The following PTPRQ variants were observed in gnomAD, a reference collection of about 807,000 sequenced individuals.
The protein encoded by PTPRQ is protein tyrosine phosphatase receptor type Q.
A neutral mutation model predicts 246.0 loss-of-function variants in PTPRQ; 199 were observed. The ratio of observed to expected loss-of-function variants is 0.81; its 90% CI spans 0.72 to 0.91. PTPRQ has a LOEUF of 0.91. Among genes scored for constraint, PTPRQ ranks in the 40% least tolerant of loss-of-function variants. The pLI is 0.00. For synonymous variants in PTPRQ, 869 were observed against 853.2 expected (o/e 1.02, Z -0.32); for missense variants, 2,624 against 2,528.4 (o/e 1.04, Z -0.81).
intron 25 of PTPRQ, among the ~76,000 whole-genome samples, chr12:80,582,437 A>T (rs1201302831): frequency 6.6e-6 from 1 of 152,258 alleles, no homozygotes; most frequent in Middle Eastern, 3.4e-3. Context: ...GTGTGATGCT[A>T]TTAGAAGGTG....
intron 25 of PTPRQ, among the ~76,000 whole-genome samples, chr12:80,563,428 G>A (rs941830081): frequency 1.4e-4 from 22 of 151,964 alleles, no homozygotes; most frequent in African/African-American, 4.6e-4. Flanking sequence ...CCACTCGTGA[G>A]GGCAGAGCCC....
chr12:80,469,454 C>A (rs942737589), intron 7 of PTPRQ, among the ~76,000 whole-genome samples: 16 of 152,132 alleles, frequency 1.1e-4, no homozygotes, highest in Non-Finnish European at 1.5e-4. Flanking sequence ...AGTATTATAT[C>A]ATTAGAAGTG....
chr12:80,534,815 GT>G (rs1895940121), intron 18 of PTPRQ, 76 bp from the exon 19 acceptor site: 3 of 1,447,204 alleles, frequency 2.1e-6, no homozygotes, highest in Non-Finnish European at 1.8e-6. Flanking sequence ...TTTATAAACT[GT>G]AGGTAAAATT....
chr12:80,635,542 T>C (rs1220580610), intron 35 of PTPRQ, among the ~76,000 whole-genome samples: 1 of 152,096 alleles, frequency 6.6e-6, no homozygotes, highest in Non-Finnish European at 1.5e-5. Context: ...TTGTATATGA[T>C]ATCATTTTTA....
At chr12:80,577,610 G>T (rs1244700792) in intron 25 of PTPRQ, among the ~76,000 whole-genome samples, 2 of 152,036 alleles carry the variant, frequency 1.3e-5, no homozygotes, top group Admixed American at 6.6e-5. Flanking sequence ...CCTAAAAAAT[G>T]ACTTTTTCTT....
At chr12:80,655,912 A>G (rs771377308) in intron 38 of PTPRQ, among the ~76,000 whole-genome samples, 13 of 152,218 alleles carry the variant, frequency 8.5e-5, no homozygotes, top group Non-Finnish European at 1.5e-4. Context: ...AAAACACTTT[A>G]AGATGCTAGA....
At chr12:80,594,883 CT>C (rs1372064670) in intron 26 of PTPRQ, among the ~76,000 whole-genome samples, 1 of 152,074 alleles carries the variant, frequency 6.6e-6, no homozygotes. Flanking sequence ...TACCATTCAC[CT>C]GAACTCAGCA....
chr12:80,667,020 T>TTCAGTGAC (rs759930571), intron 39 of PTPRQ, among the ~76,000 whole-genome samples: 6 of 152,110 alleles, frequency 3.9e-5, no homozygotes, highest in Non-Finnish European at 8.8e-5. Flanking sequence ...TTTGAAACCT[T>TTCAGTGAC]TCAGTGACTT....
In PTPRQ at chr12:80,622,144, T is replaced by G. The variant is rs1401215270; in HGVS notation, c.5686+10T>G. 4.3e-6 allele frequency: 6 copies of G among 1,399,778 alleles called. No homozygotes were observed. The highest frequency in any genetic ancestry group is 4.7e-6 in the Non-Finnish European group (5 of 1,066,154). 86.7% of individuals were successfully genotyped at this position (1,399,778 alleles called of 1,614,324 possible). On this transcript the variant is annotated intron_variant, in intron 33 of 44. Coordinates refer to ENST00000644991, the MANE Select transcript of PTPRQ (RefSeq NM_001145026.2). ...CCTGTTAAGACTTTAGGTAAGACAT[T>G]TTTGTAATTCATTTATAATCTCAAC...
At chr12:80,586,199 G>GA (rs1302234711) in intron 25 of PTPRQ, among the ~76,000 whole-genome samples, 1 of 151,712 alleles carries the variant, frequency 6.6e-6, no homozygotes, top group African/African-American at 2.4e-5. Flanking sequence ...AAACACACAA[G>GA]AAAAAAACAA....
rs571263074 is a variant in PTPRQ, at chr12:80,455,141, C to G, written c.391-2434C>G. Among the ~76,000 whole-genome samples, 32 of 152,260 alleles carry G rather than the reference C, an allele frequency of 2.1e-4. No homozygotes were observed. The South Asian group carries it at 6.4e-3, about 31-fold the overall frequency. On this transcript the variant is annotated intron_variant, in intron 3 of 44. Coordinates refer to ENST00000644991, the MANE Select transcript of PTPRQ (RefSeq NM_001145026.2). Reference sequence around the variant, plus strand: ...TGAGCTGAGATCATGCCATTGCACTCCAGCCTGGACAACAAGAACAAAACG... The same window carrying G: ...TGAGCTGAGATCATGCCATTGCACTGCAGCCTGGACAACAAGAACAAAACG...
chr12:80,571,815 G>A (rs1897154136), intron 25 of PTPRQ, among the ~76,000 whole-genome samples: 1 of 151,788 alleles, frequency 6.6e-6, no homozygotes, highest in African/African-American at 2.4e-5. Flanking sequence ...ATTGATATAG[G>A]TCAATCACTT....
At position 80,506,556 on chromosome 12, in the gene PTPRQ, G is replaced by A. The variant is rs7975096; in HGVS notation, c.2456-13G>A. 1 of 1,479,714 alleles carries A rather than the reference G, an allele frequency of 6.8e-7. No individual in the cohort carries two copies. Among genetic ancestry groups the A allele is most frequent in the East Asian group, 2.5e-5 (1 of 39,778 alleles). 91.7% of individuals were successfully genotyped at this position (1,479,714 alleles called of 1,614,324 possible). On this transcript the variant is annotated splice_polypyrimidine_tract_variant and intron_variant, in intron 15 of 44. Transcript: ENST00000644991. ...TTTGTAAGTTTCAACTTACCTATTT[G>A]ATTTCTCTTTAGTACTGAAGAAATA...
In PTPRQ at chr12:80,610,470, T is replaced by C. The variant is rs1165882959; in HGVS notation, c.4763T>C (p.Ile1588Thr). 7 of 1,514,352 alleles carry C rather than the reference T, an allele frequency of 4.6e-6. No individual in the cohort carries two copies. Among genetic ancestry groups the C allele is most frequent in the Non-Finnish European group, 6.2e-6 (7 of 1,124,038 alleles). The allele number at this position is 1,514,352 out of a possible 1,614,324, so 93.8% of individuals were successfully genotyped here. The change falls in exon 28 of 45, where the codon ATC (isoleucine) becomes ACC (threonine). Residue 1588 changes from isoleucine to threonine, a missense_variant. Transcript: ENST00000644991. ...AATGATGAATTTAATATATCCTTCA[T>C]CAAGTCAAATGAAGAAAATAAAACC... Reference protein sequence around the residue: ...VDNDEFNISFIKSNEENKTIE... With the variant: ...VDNDEFNISFTKSNEENKTIE...
At chr12:80,490,155 T>G (rs1426092358) in intron 9 of PTPRQ, among the ~76,000 whole-genome samples, 2 of 152,026 alleles carry the variant, frequency 1.3e-5, no homozygotes, top group East Asian at 3.9e-4. Context: ...TGTTGAATGA[T>G]ACGGTATCCT....
intron 17 of PTPRQ, among the ~76,000 whole-genome samples, chr12:80,514,333 G>A (rs1011288735): frequency 1.8e-4 from 26 of 143,702 alleles, no homozygotes; most frequent in Non-Finnish European, 3.5e-4. Flanking sequence ...TAAATGGAAC[G>A]TAGAAAACAC....
At chr12:80,677,570 A>G (rs528827093) in intron 43 of PTPRQ, among the ~76,000 whole-genome samples, 5 of 152,224 alleles carry the variant, frequency 3.3e-5, no homozygotes, top group Non-Finnish European at 7.3e-5. Flanking sequence ...TAATCAGAAT[A>G]TAGCAGTGAA....
chr12:80,559,493 C>T (rs916732246), intron 25 of PTPRQ, among the ~76,000 whole-genome samples: 6 of 152,188 alleles, frequency 3.9e-5, no homozygotes, highest in African/African-American at 1.2e-4. Context: ...AGAGCTGTCT[C>T]TCCTCCATTG....
intron 33 of PTPRQ, among the ~76,000 whole-genome samples, chr12:80,627,715 G>T (rs953978830): frequency 6.6e-6 from 1 of 152,028 alleles, no homozygotes; most frequent in Admixed American, 6.6e-5. Flanking sequence ...ATTTGTCACA[G>T]GATTTTAAGT....
Sources: gnomAD v4.1 joint callset for allele counts (sites outside exome capture counted in the v4.1 genomes callset) on GRCh38, gnomAD v4.1.1 for gene constraint, MANE v1.5 for transcripts, NCBI Gene and HGNC (gene_info 2026-07-23, HGNC 2026-07-21) for gene names.